AVEN: variants seen among roughly 807,000 people sequenced by gnomAD.
AVEN encodes the protein apoptosis and caspase activation inhibitor.
In AVEN, 41 loss-of-function variants were observed where a neutral mutation model predicts 38.1. The ratio of observed to expected loss-of-function variants is 1.08; its 90% CI spans 0.84 to 1.40. The LOEUF (loss-of-function observed/expected upper bound fraction) is 1.40. Among genes scored for constraint, AVEN ranks in the 40% most tolerant of loss-of-function variants. The probability of loss-of-function intolerance (pLI) is 0.00; values close to 1 mark genes in which losing one functional copy is unlikely to be tolerated. For missense variants in AVEN, 605 were observed against 438.8 expected (o/e 1.38, Z -3.38); for synonymous variants, 206 against 171.8 (o/e 1.20, Z -1.56).
intron 2 of AVEN, among the ~76,000 whole-genome samples, chr15:33,879,955 G>C (rs1404288121): frequency 6.6e-6 from 1 of 152,126 alleles, no homozygotes; most frequent in East Asian, 1.9e-4. Flanking sequence ...CAAACTATAT[G>C]ACAAAGCAGA....
rs1450182993 is a variant in AVEN, at chr15:34,037,124, AAT to A, written c.267+1654_267+1655del. 4.4e-4 allele frequency among the ~76,000 whole-genome samples: 66 copies of A among 150,714 alleles called. 1 individual carries two copies. In the South Asian group the frequency reaches 4.8e-3, roughly 11 times the overall value. Reference sequence around the variant, plus strand: ...AACTCCGTCTCAAAAAAAAAAAAAAAATATATACCATCATTTCACCCAATTTA... The same window carrying A: ...AACTCCGTCTCAAAAAAAAAAAAAAAATATACCATCATTTCACCCAATTTA... On this transcript the variant is annotated intron_variant, in intron 1 of 5. Coordinates refer to ENST00000306730, the MANE Select transcript of AVEN (RefSeq NM_020371.3).
intron 3 of AVEN, among the ~76,000 whole-genome samples, chr15:33,874,981 C>G (rs922115694): frequency 2.6e-5 from 4 of 152,186 alleles, no homozygotes; most frequent in Admixed American, 6.5e-5. Flanking sequence ...ATTTGTAATT[C>G]TCACCTTTTT....
chr15:33,959,126 T>C (rs1418733649), intron 2 of AVEN, among the ~76,000 whole-genome samples: 1 of 152,178 alleles, frequency 6.6e-6, no homozygotes, highest in Non-Finnish European at 1.5e-5. Context: ...CCAACTTCCC[T>C]GCATGGTGCA....
exon 5 of AVEN, chr15:34,062,990 C>T: frequency 6.2e-7 from 1 of 1,614,206 alleles, no homozygotes; most frequent in South Asian, 1.1e-5. Flanking sequence ...CCACCTACAT[C>T]CTCATGGGAC....
chr15:33,936,188 T>C (rs988930004), intron 2 of AVEN, among the ~76,000 whole-genome samples: 1 of 149,520 alleles, frequency 6.7e-6, no homozygotes, highest in Non-Finnish European at 1.5e-5. Flanking sequence ...TTCAGCATCA[T>C]GCAAAATCGA....
Position 33,959,855 on chromosome 15 carries a change from T to C in AVEN, c.445+43177A>G, listed in dbSNP as rs192097656. On this transcript the variant is annotated intron_variant, in intron 2 of 5. Coordinates refer to ENST00000306730, the MANE Select transcript of AVEN (RefSeq NM_020371.3). Reference sequence around the variant, plus strand: ...GAATCCTATTACAGCAGAAAGGATATATATCAAATACACAAAGAGACACAT... The same window carrying C: ...GAATCCTATTACAGCAGAAAGGATACATATCAAATACACAAAGAGACACAT... Among the ~76,000 whole-genome samples the C allele has an allele frequency of 2.6e-4, 39 of 152,300 alleles. 1 individual carries two copies. The highest frequency in any genetic ancestry group is 2.5e-3 in the Admixed American group (39 of 15,298).
chr15:33,873,102 T>C (rs989406319), intron 3 of AVEN, among the ~76,000 whole-genome samples: 1 of 137,018 alleles, frequency 7.3e-6, no homozygotes, highest in South Asian at 2.6e-4. Flanking sequence ...TTCTTTTTTT[T>C]TTTTTTTTTT....
At chr15:33,916,670 T>TA (rs763375947) in intron 2 of AVEN, among the ~76,000 whole-genome samples, 6 of 151,902 alleles carry the variant, frequency 3.9e-5, no homozygotes, top group Non-Finnish European at 7.4e-5. Context: ...ACGGCCATAA[T>TA]AAAAAAATAA....
chr15:33,867,797 C>A lies in AVEN; in HGVS notation c.671G>T (p.Gly224Val). The A allele has an allele frequency of 1.2e-6, 2 of 1,612,484 alleles. No individual in the cohort carries two copies. The highest frequency in any genetic ancestry group is 8.5e-7 in the Non-Finnish European group (1 of 1,179,492). Residue 224 changes from glycine to valine, a missense_variant, in exon 5 of 6, where the codon GGA becomes GTA. Gly to Val is a moderately radical substitution (Grantham distance 109, BLOSUM62 -3). Transcript: ENST00000306730. ...GGGCCCCTTTAACTGCATCCCTAATCCCTTGCCATCATCAGTTCTCTTTGG... is the reference window on the plus strand; with the variant it reads ...GGGCCCCTTTAACTGCATCCCTAATACCTTGCCATCATCAGTTCTCTTTGG... ...VKPKRTDDGKGLGMQLKGPLG... is the reference protein window; with the variant it reads ...VKPKRTDDGKVLGMQLKGPLG...
At chr15:33,944,509 T>G (rs147986873) in intron 2 of AVEN, among the ~76,000 whole-genome samples, 20 of 152,118 alleles carry the variant, frequency 1.3e-4, no homozygotes, top group Non-Finnish European at 2.9e-4. Context: ...TCAACATAAA[T>G]TTTTTTAAAA....
intron 2 of AVEN, among the ~76,000 whole-genome samples, chr15:33,966,566 T>A (rs1895392424): frequency 6.6e-6 from 1 of 152,126 alleles, no homozygotes; most frequent in South Asian, 2.1e-4. Flanking sequence ...TGAGCTTAGA[T>A]GGAAACAGAA....
intron 2 of AVEN, among the ~76,000 whole-genome samples, chr15:33,992,342 A>T (rs1350679501): frequency 2.0e-5 from 3 of 151,816 alleles, no homozygotes; most frequent in Non-Finnish European, 4.4e-5. Context: ...GTGAGCCGAG[A>T]TTGCGCCACT....
chr15:33,924,303 G>A (rs1008748717), intron 2 of AVEN, among the ~76,000 whole-genome samples: 7 of 151,762 alleles, frequency 4.6e-5, no homozygotes, highest in African/African-American at 1.7e-4. Context: ...CCCGGAGGTG[G>A]AGGTTGCAGT....
At chr15:33,857,760 C>G (rs769719945), downstream of AVEN, 1 of 1,613,552 alleles carries the variant, frequency 6.2e-7, no homozygotes, top group African/African-American at 1.3e-5. Context: ...CTTTTCCTTT[C>G]TCTGTCCTCT....
chr15:33,936,327 A>G (rs1244583761), intron 2 of AVEN, among the ~76,000 whole-genome samples: 2 of 152,242 alleles, frequency 1.3e-5, no homozygotes, highest in East Asian at 3.8e-4. Flanking sequence ...AGAGTTCACT[A>G]AGGTTACTGG....
At chr15:33,964,220 T>C (rs1470638734) in intron 2 of AVEN, among the ~76,000 whole-genome samples, 3 of 152,126 alleles carry the variant, frequency 2.0e-5, no homozygotes, top group African/African-American at 7.2e-5. Context: ...CCCCCGAACG[T>C]ATCTGTTCCA....
At chr15:34,035,751 C>T (rs144420967) in intron 1 of AVEN, among the ~76,000 whole-genome samples, 11 of 152,164 alleles carry the variant, frequency 7.2e-5, no homozygotes, top group African/African-American at 2.6e-4. Flanking sequence ...ACTAAACAAT[C>T]CTAGTATTGG....
At chr15:33,983,921 C>A (rs559896370) in intron 2 of AVEN, among the ~76,000 whole-genome samples, 2 of 142,836 alleles carry the variant, frequency 1.4e-5, no homozygotes, top group African/African-American at 5.7e-5. Context: ...ATAATCTCAG[C>A]CTCATCATGA....
downstream of AVEN, chr15:33,865,848 G>A (rs532850789): frequency 6.5e-6 from 1 of 152,826 alleles, no homozygotes; most frequent in South Asian, 2.1e-4. Context: ...CCATTCATTA[G>A]TTGTGATCTT....
Sources: gnomAD v4.1 joint callset for allele counts (sites outside exome capture counted in the v4.1 genomes callset) on GRCh38, gnomAD v4.1.1 for gene constraint, MANE v1.5 for transcripts, NCBI Gene and HGNC (gene_info 2026-07-23, HGNC 2026-07-21) for gene names.